Variants in TAF1B observed in about 807,000 individuals in gnomAD.
TAF1B encodes TATA box-binding protein-associated factor RNA polymerase I subunit B.
TAF1B carries 61 observed loss-of-function variants against 83.9 expected under a neutral mutation model. That is an observed-to-expected ratio of 0.73 (90% CI 0.59 to 0.90). TAF1B has a LOEUF of 0.90. Ranked by LOEUF, TAF1B falls within the 40% of genes least tolerant of loss-of-function variation. TAF1B has a pLI of 0.00. For missense variants in TAF1B, 625 were observed against 677.0 expected (o/e 0.92, Z 0.85); for synonymous variants, 221 against 224.6 (o/e 0.98, Z 0.14).
At chr2:9,919,916 TAA>T in intron 14 of TAF1B, 96 bp downstream of exon 14, 2 of 1,161,656 alleles carry the variant, frequency 1.7e-6, no homozygotes, top group Non-Finnish European at 2.4e-6. Flanking sequence ...CTGGTGAGCT[TAA>T]AGTCACGAAA....
intron 2 of TAF1B, among the ~76,000 whole-genome samples, chr2:9,847,175 T>C (rs1439826269): frequency 6.6e-6 from 1 of 152,240 alleles, no homozygotes; most frequent in Admixed American, 6.5e-5. Context: ...GCTCCACATT[T>C]GGAAGACTGT....
chr2:9,887,657 G>T (rs913011023), intron 8 of TAF1B, among the ~76,000 whole-genome samples: 1 of 151,888 alleles, frequency 6.6e-6, no homozygotes, highest in Non-Finnish European at 1.5e-5. Context: ...ATGTCATTGG[G>T]TGTTGATTTT....
intron 14 of TAF1B, among the ~76,000 whole-genome samples, chr2:9,929,998 GGTAGTTT>G (rs1448692779): frequency 6.6e-6 from 1 of 152,116 alleles, no homozygotes; most frequent in African/African-American, 2.4e-5. Flanking sequence ...ATTCTCTGAT[GGTAGTTT>G]GTATTTCTGT....
At chr2:9,849,199 AAAC>A (rs1365814108) in intron 2 of TAF1B, among the ~76,000 whole-genome samples, 171 bp from the exon 3 acceptor site, 8 of 152,220 alleles carry the variant, frequency 5.3e-5, no homozygotes, top group Non-Finnish European at 8.8e-5. Context: ...TTGAATGAAA[AAAC>A]AACATCAACA....
chr2:9,918,657 A>C (rs542671661), intron 12 of TAF1B, among the ~76,000 whole-genome samples: 1 of 152,238 alleles, frequency 6.6e-6, no homozygotes, highest in Non-Finnish European at 1.5e-5. Flanking sequence ...AAGTACTACT[A>C]ACAACTCTCA....
chr2:9,932,997 T>G (rs527940520), intron 14 of TAF1B, among the ~76,000 whole-genome samples: 2 of 152,298 alleles, frequency 1.3e-5, no homozygotes, highest in African/African-American at 4.8e-5. Context: ...GGTTATAATC[T>G]CCTGGTGTGC....
chr2:9,852,876 C>T (rs1178669373), intron 4 of TAF1B, among the ~76,000 whole-genome samples: 14 of 152,212 alleles, frequency 9.2e-5, no homozygotes. Context: ...GTAGAGGAGC[C>T]TTTGCTGTTC....
chr2:9,850,643 AAC>A lies in TAF1B; in HGVS notation c.206-893_206-892del, dbSNP rs554114018. Reference sequence around the variant, plus strand: ...GCAGAGAAGAGATCTTGAAGTCAGTAACACACCTCAGAAGCTCTGTGTAAAAA... The same window carrying A: ...GCAGAGAAGAGATCTTGAAGTCAGTAACACCTCAGAAGCTCTGTGTAAAAA... On this transcript the variant is annotated intron_variant, in intron 3 of 14. Transcript: ENST00000263663. Among the ~76,000 whole-genome samples, 187 of 152,324 alleles carry A rather than the reference AAC, an allele frequency of 1.2e-3. 1 individual carries two copies. Among genetic ancestry groups the A allele is most frequent in the African/African-American group, 4.4e-3 (184 of 41,582 alleles).
At chr2:9,918,053 C>T (rs560190714) in intron 12 of TAF1B, among the ~76,000 whole-genome samples, 1 of 147,408 alleles carries the variant, frequency 6.8e-6, no homozygotes, top group Non-Finnish European at 1.5e-5. Flanking sequence ...GCCTGGGCGA[C>T]AGAGCGAGAC....
intron 4 of TAF1B, chr2:9,851,972 T>C (rs1223829190): frequency 1.6e-5 from 8 of 492,408 alleles, no homozygotes; most frequent in South Asian, 1.2e-4. Flanking sequence ...TTCCAGGGAA[T>C]GTCCTGTGTG....
chr2:9,900,347 A>AATATG (rs1321276546), intron 8 of TAF1B, among the ~76,000 whole-genome samples: 2 of 152,196 alleles, frequency 1.3e-5, no homozygotes, highest in African/African-American at 4.8e-5. Flanking sequence ...CAGCCTGGGC[A>AATATG]ATATGACAAA....
rs778387545 is a variant in TAF1B, at chr2:9,910,928, A to G, written c.1133+15A>G. ...AGTTTCGAGTGGTAAGTGTACGTCA[A>G]TTTTATGACAAGTAACATTTTATGG... is the stretch of plus-strand genomic sequence containing the variant. On this transcript the variant is annotated intron_variant, in intron 10 of 14. Transcript: ENST00000263663. The G allele has an allele frequency of 1.9e-6, 3 of 1,587,226 alleles. No homozygotes were observed. The highest frequency in any genetic ancestry group is 2.7e-5 in the African/African-American group (2 of 74,382).
At chr2:9,887,770 A>G (rs941539948) in intron 8 of TAF1B, among the ~76,000 whole-genome samples, 7 of 151,992 alleles carry the variant, frequency 4.6e-5, no homozygotes, top group African/African-American at 1.2e-4. Context: ...CCATCTTGCT[A>G]TTACATGTCT....
At chr2:9,849,047 G>A (rs17454513) in intron 2 of TAF1B, among the ~76,000 whole-genome samples, 12,500 of 152,218 alleles carry the variant, frequency 0.082, 561 homozygotes, top group Middle Eastern at 0.16. Context: ...TGTATTTTGT[G>A]TGGAGAAAAA....
At chr2:9,868,834 C>T (rs1336115351) in intron 6 of TAF1B, 1 of 366,532 alleles carries the variant, frequency 2.7e-6, no homozygotes, top group Non-Finnish European at 5.4e-6. Context: ...CTAAATCAAG[C>T]TGAGTAAAAT....
At chr2:9,869,976 C>T (rs1664114509) in intron 6 of TAF1B, among the ~76,000 whole-genome samples, 1 of 152,108 alleles carries the variant, frequency 6.6e-6, no homozygotes, top group African/African-American at 2.4e-5. Context: ...CTAGAAATTA[C>T]CGCTACTGCT....
chr2:9,933,711 T>A, intron 14 of TAF1B, 72 bp from the exon 15 acceptor site: 1 of 1,218,140 alleles, frequency 8.2e-7, no homozygotes. Context: ...TTTGGGGGGA[T>A]GTTCAGGGGT....
intron 6 of TAF1B, among the ~76,000 whole-genome samples, chr2:9,872,178 TA>T (rs1285982680): frequency 6.6e-6 from 1 of 151,950 alleles, no homozygotes; most frequent in Non-Finnish European, 1.5e-5. Context: ...TACAAAAAAT[TA>T]GATGGGTGTG....
At chr2:9,851,939 G>A (rs79591782) in intron 4 of TAF1B, 2 of 524,466 alleles carry the variant, frequency 3.8e-6, no homozygotes, top group Non-Finnish European at 7.6e-6. Flanking sequence ...AGTACCTTTT[G>A]TGTGTTAATG....
Sources: gnomAD v4.1 joint callset for allele counts (sites outside exome capture counted in the v4.1 genomes callset) on GRCh38, gnomAD v4.1.1 for gene constraint, MANE v1.5 for transcripts, NCBI Gene and HGNC (gene_info 2026-07-23, HGNC 2026-07-21) for gene names.